The following PARK7 variants were observed in gnomAD, a reference collection of about 807,000 sequenced individuals.
The protein encoded by PARK7 is Parkinsonism associated deglycase.
A neutral mutation model predicts 20.5 loss-of-function variants in PARK7; 14 were observed. The observed-to-expected ratio is 0.68, with a 90% CI of 0.45 to 1.07. The LOEUF (loss-of-function observed/expected upper bound fraction) is 1.07, where lower values mean the gene tolerates loss of function less well. PARK7 is among the 50% of genes least tolerant of loss of function. PARK7 has a pLI of 0.00. For synonymous variants in PARK7, 98 were observed against 84.3 expected, an observed-to-expected ratio of 1.16 and a Z score of -0.89; for missense variants, 234 against 238.1, an observed-to-expected ratio of 0.98 and a Z score of 0.11.
chr1:7,978,999 T>G lies in PARK7; in HGVS notation c.409+1261T>G, dbSNP rs1640654198. 2.6e-5 allele frequency among the ~76,000 whole-genome samples: 4 copies of G among 152,302 alleles called. No homozygotes were observed. The South Asian group carries it at 8.3e-4, about 32-fold the overall frequency. ...TTAATGTTAATATCTTATGTTATCT[T>G]TTAACAGCACATGTAGATTTAGATT... On this transcript the variant is annotated intron_variant, in intron 6 of 6. Transcript: ENST00000338639.
intron 3 of PARK7, among the ~76,000 whole-genome samples, chr1:7,965,638 G>A (rs1179565372): frequency 6.6e-6 from 1 of 152,184 alleles, no homozygotes; most frequent in Non-Finnish European, 1.5e-5. Context: ...TAAGTGGGTG[G>A]CTGGATGGGT....
intron 5 of PARK7, among the ~76,000 whole-genome samples, chr1:7,972,477 C>T (rs1044645059): frequency 4.0e-4 from 61 of 151,978 alleles, no homozygotes; most frequent in African/African-American, 1.4e-3. Flanking sequence ...AAATGTTATT[C>T]GCCTTTTTTC....
At chr1:7,975,411 T>C (rs1289118678) in intron 5 of PARK7, among the ~76,000 whole-genome samples, 1 of 152,056 alleles carries the variant, frequency 6.6e-6, no homozygotes, top group African/African-American at 2.4e-5. Context: ...CTGGAGGAGC[T>C]GGGGAGTTGG....
intron 3 of PARK7, among the ~76,000 whole-genome samples, chr1:7,968,927 C>T (rs1255189045): frequency 6.6e-6 from 1 of 152,120 alleles, no homozygotes; most frequent in Non-Finnish European, 1.5e-5. Context: ...TCTCATTCTC[C>T]CTCTGCCCCA....
intron 3 of PARK7, among the ~76,000 whole-genome samples, chr1:7,968,031 C>T (rs1326195163): frequency 3.3e-5 from 5 of 151,736 alleles, no homozygotes; most frequent in Admixed American, 2.0e-4. Context: ...TATTGTTGGC[C>T]GGCCACAGTG....
Position 7,984,786 on chromosome 1 carries a change from C to A in PARK7, c.410-108C>A. ...CTAGTAAATGTTTTTGAATGGTTAGCTACAGTGTTGGGTTTATATGCTGTA... is the reference window on the plus strand; with the variant it reads ...CTAGTAAATGTTTTTGAATGGTTAGATACAGTGTTGGGTTTATATGCTGTA... On this transcript the variant is annotated intron_variant, in intron 6 of 6. Transcript: ENST00000338639. The surrounding 1 kb of genome is among the most constrained non-coding windows in gnomAD (Gnocchi z 4.3). The A allele has an allele frequency of 7.5e-7, 1 of 1,336,236 alleles. No homozygotes were observed. Among genetic ancestry groups the A allele is most frequent in the Non-Finnish European group, 1.1e-6 (1 of 938,028 alleles). The allele number at this position is 1,336,236 out of a possible 1,614,324, so 82.8% of individuals were successfully genotyped here.
rs1049628442 is a variant in PARK7, at chr1:7,975,775, A to G, written c.323-1877A>G. On this transcript the variant is annotated intron_variant, in intron 5 of 6. Coordinates refer to ENST00000338639, the MANE Select transcript of PARK7 (RefSeq NM_007262.5). ...CACTTTCCTCACTGTGCTATCATCTATTAAAGTTTACTTTAAAATGCAAGA... is the reference window on the plus strand; with the variant it reads ...CACTTTCCTCACTGTGCTATCATCTGTTAAAGTTTACTTTAAAATGCAAGA... Among the ~76,000 whole-genome samples the G allele has an allele frequency of 5.3e-5, 8 of 152,368 alleles. 1 individual carries two copies. Among genetic ancestry groups the G allele is most frequent in the South Asian group, 4.1e-4 (2 of 4,832 alleles).
intron 2 of PARK7, among the ~76,000 whole-genome samples, chr1:7,963,179 T>C (rs1339976050): frequency 6.6e-6 from 1 of 152,016 alleles, no homozygotes; most frequent in African/African-American, 2.4e-5. Flanking sequence ...TCTTCCCACC[T>C]CAGCCTCCCA....
At chr1:7,981,140 G>A (rs555035456) in intron 6 of PARK7, among the ~76,000 whole-genome samples, 1 of 152,308 alleles carries the variant, frequency 6.6e-6, no homozygotes, top group Admixed American at 6.5e-5. Context: ...GAAGAGCAGG[G>A]TCTCTGGAGC....
intron 5 of PARK7, among the ~76,000 whole-genome samples, chr1:7,973,971 G>A (rs1640518855): frequency 6.6e-6 from 1 of 150,764 alleles, no homozygotes; most frequent in South Asian, 2.1e-4. Flanking sequence ...TAGATGGAAT[G>A]CCATGCTAAG....
intron 5 of PARK7, among the ~76,000 whole-genome samples, chr1:7,974,142 A>T (rs11121066): frequency 1.7e-4 from 24 of 138,062 alleles, no homozygotes; most frequent in African/African-American, 5.2e-4. Flanking sequence ...AGACCCCCCC[A>T]CCGACCTCTA....
rs561710583 is a variant in PARK7 at position 7,984,499 on chromosome 1, A to C, written c.410-395A>C. ...CATCAGAGGGTGTGCGTGCCGCCAC[A>C]TGTTGATTGGGGTGGCTTCTGCGTT... On this transcript the variant is annotated intron_variant, in intron 6 of 6. Coordinates refer to ENST00000338639, the MANE Select transcript of PARK7 (RefSeq NM_007262.5). This position sits in a 1 kb window ranked among gnomAD's most constrained non-coding sequence, Gnocchi z 4.3. Among the ~76,000 whole-genome samples, 1 of 152,314 alleles carries C rather than the reference A, an allele frequency of 6.6e-6. No homozygotes were observed. Among genetic ancestry groups the C allele is most frequent in the Admixed American group, 6.5e-5 (1 of 15,300 alleles).
At chr1:7,968,296 C>CT (rs1390881503) in intron 3 of PARK7, among the ~76,000 whole-genome samples, 4 of 103,070 alleles carry the variant, frequency 3.9e-5, no homozygotes, top group African/African-American at 1.8e-4. Flanking sequence ...GAGCAAGACT[C>CT]TGTCTCAAAA....
intron 6 of PARK7, among the ~76,000 whole-genome samples, chr1:7,981,331 G>A (rs1640705074): frequency 6.6e-6 from 1 of 152,186 alleles, no homozygotes; most frequent in Non-Finnish European, 1.5e-5. Context: ...AGTACTGTTT[G>A]TTTGCTAGGT....
At chr1:7,970,406 A>G (rs1640440470) in intron 4 of PARK7, among the ~76,000 whole-genome samples, 1 of 152,184 alleles carries the variant, frequency 6.6e-6, no homozygotes, top group African/African-American at 2.4e-5. Context: ...AGGAATGGCA[A>G]ATGCCATCAG....
At chr1:7,971,567 G>T in intron 5 of PARK7, 1 of 155,008 alleles carries the variant, frequency 6.5e-6, no homozygotes, top group Non-Finnish European at 1.4e-5. Flanking sequence ...ATCAGATGAT[G>T]TTCTGCCATT....
At position 7,965,341 on chromosome 1, in the gene PARK7, A is replaced by G; in HGVS notation, c.108A>G (p.Ala36=). The change falls in exon 3 of 7, where the codon GCA becomes GCG. Residue 36 remains alanine (A), a synonymous_variant. Coordinates refer to ENST00000338639, the MANE Select transcript of PARK7 (RefSeq NM_007262.5). The part of the protein sequence containing the change: ...MRRAGIKVTV[A]GLAGKDPVQC... Reference sequence around the variant, plus strand: ...TCTCGTAGATTAAGGTCACCGTTGCAGGCCTGGCTGGAAAAGACCCAGTAC... The same window carrying G: ...TCTCGTAGATTAAGGTCACCGTTGCGGGCCTGGCTGGAAAAGACCCAGTAC... 9 of 1,614,132 alleles carry G rather than the reference A, an allele frequency of 5.6e-6. No individual in the cohort carries two copies. Among genetic ancestry groups the G allele is most frequent in the Non-Finnish European group, 7.6e-6 (9 of 1,179,994 alleles).
rs571542983 is a variant in PARK7 at position 7,974,271 on chromosome 1, T to C, written c.322+3308T>C. Among the ~76,000 whole-genome samples the C allele has an allele frequency of 1.7e-3, 263 of 151,256 alleles. 1 individual carries two copies. Among genetic ancestry groups the C allele is most frequent in the African/African-American group, 5.9e-3 (243 of 41,116 alleles). On this transcript the variant is annotated intron_variant, in intron 5 of 6. Coordinates refer to ENST00000338639, the MANE Select transcript of PARK7 (RefSeq NM_007262.5). ...CCAGGAATTTGAGGTTACATTGAGATGTGGTGATCACACCACTGCACTTGA... is the reference window on the plus strand; with the variant it reads ...CCAGGAATTTGAGGTTACATTGAGACGTGGTGATCACACCACTGCACTTGA...
chr1:7,984,847 G>C lies in PARK7; in HGVS notation c.410-47G>C. 1 of 1,607,048 alleles carries C rather than the reference G, an allele frequency of 6.2e-7. No homozygotes were observed. The highest frequency in any genetic ancestry group is 8.5e-7 in the Non-Finnish European group (1 of 1,174,082). ...TAATTGGTAAGTAATCGTCTTTCTC[G>C]TCACATAGCCCATTAGGATGTCACC... On this transcript the variant is annotated intron_variant, in intron 6 of 6. Transcript: ENST00000338639. The surrounding 1 kb of genome is among the most constrained non-coding windows in gnomAD (Gnocchi z 4.3).
Sources: allele counts gnomAD v4.1 joint callset (sites outside exome capture counted in the v4.1 genomes callset), GRCh38; gene constraint gnomAD v4.1.1; non-coding constraint Gnocchi (gnomAD v3.1); transcripts MANE v1.5; gene names NCBI Gene and HGNC (gene_info 2026-07-23, HGNC 2026-07-21).